Variants in SPOCK3 observed in about 807,000 individuals in gnomAD.
SPOCK3 encodes SPARC (osteonectin), cwcv and kazal like domains proteoglycan 3.
In SPOCK3, 30 loss-of-function variants were observed where a neutral mutation model predicts 56.6. The observed-to-expected ratio is 0.53, with a 90% CI of 0.40 to 0.72. SPOCK3 has a LOEUF of 0.72. Ranked by LOEUF, SPOCK3 falls within the 30% of genes least tolerant of loss-of-function variation. SPOCK3 has a pLI of 0.00. For synonymous variants in SPOCK3, 196 were observed against 183.3 expected (o/e 1.07, Z -0.56); for missense variants, 527 against 530.0 (o/e 0.99, Z 0.06).
chr4:167,085,282 G>GA (rs577928883), intron 2 of SPOCK3, among the ~76,000 whole-genome samples: 1,873 of 150,234 alleles, frequency 0.012, 21 homozygotes, highest in Non-Finnish European at 0.018. Flanking sequence ...TGAAAAGAGA[G>GA]AAAAAAAAAT....
At chr4:167,091,781 C>T (rs1053682265) in intron 2 of SPOCK3, among the ~76,000 whole-genome samples, 16 of 152,174 alleles carry the variant, frequency 1.1e-4, no homozygotes, top group African/African-American at 3.1e-4. Flanking sequence ...TCTCCCTCTA[C>T]TCACTTTCTA....
chr4:166,982,268 A>G (rs28412927), intron 4 of SPOCK3, among the ~76,000 whole-genome samples: 1,762 of 152,298 alleles, frequency 0.012, 36 homozygotes, highest in African/African-American at 0.04. Flanking sequence ...GATATACCAT[A>G]TCATCAATAC....
chr4:167,015,989 T>TA (rs1212549752), intron 3 of SPOCK3, among the ~76,000 whole-genome samples: 4 of 152,130 alleles, frequency 2.6e-5, no homozygotes, highest in Admixed American at 2.0e-4. Flanking sequence ...AATTTTTTGT[T>TA]AAAAAAAGTA....
At chr4:166,746,620 G>T (rs1735649532) in intron 8 of SPOCK3, among the ~76,000 whole-genome samples, 1 of 152,038 alleles carries the variant, frequency 6.6e-6, no homozygotes, top group Non-Finnish European at 1.5e-5. Context: ...CAGAAGGCAA[G>T]AAATAACTAA....
At chr4:167,005,889 C>A (rs1252553489) in intron 3 of SPOCK3, among the ~76,000 whole-genome samples, 2 of 152,052 alleles carry the variant, frequency 1.3e-5, no homozygotes, top group Non-Finnish European at 2.9e-5. Context: ...AAAAGGACTA[C>A]TATTTTTAAT....
rs1331003872 is a variant in SPOCK3, at chr4:167,234,382, G to A, written c.-1+68C>T. ...CACGCAGACCCAGAGGAGGAGAGGT[G>A]GGTATAAGGAAGCAAGCCCCAGCCG... On this transcript the variant is annotated intron_variant, in intron 1 of 10. Coordinates refer to ENST00000357545, the MANE Select transcript of SPOCK3 (RefSeq NM_001040159.2). 4 of 603,190 alleles carry A rather than the reference G, an allele frequency of 6.6e-6. No individual in the cohort carries two copies. In the African/African-American group the frequency reaches 7.4e-5, roughly 11 times the overall value. 37.4% of individuals were successfully genotyped at this position (603,190 alleles called of 1,614,324 possible).
At chr4:166,949,539 C>T (rs557343034) in intron 4 of SPOCK3, among the ~76,000 whole-genome samples, 43 of 152,176 alleles carry the variant, frequency 2.8e-4, no homozygotes, top group Non-Finnish European at 4.1e-4. Context: ...CCTTTCTGTT[C>T]GTTAGTTTTC....
intron 6 of SPOCK3, chr4:166,883,364 G>C (rs1733864508): frequency 6.6e-6 from 1 of 152,148 alleles, no homozygotes; most frequent in South Asian, 2.1e-4. Flanking sequence ...AGGCTTTGCA[G>C]TTTAATATGG....
At chr4:166,763,667 G>T (rs1737552577) in intron 7 of SPOCK3, among the ~76,000 whole-genome samples, 1 of 151,886 alleles carries the variant, frequency 6.6e-6, no homozygotes, top group African/African-American at 2.4e-5. Context: ...GGTAGGGAGG[G>T]TAGTGTACTC....
At chr4:167,141,766 G>A (rs1763552387) in intron 2 of SPOCK3, among the ~76,000 whole-genome samples, 1 of 152,012 alleles carries the variant, frequency 6.6e-6, no homozygotes, top group Non-Finnish European at 1.5e-5. Context: ...ACATTCCACT[G>A]AGATAACAGA....
chr4:167,065,333 T>G (rs1199373611), intron 2 of SPOCK3, among the ~76,000 whole-genome samples: 1 of 151,822 alleles, frequency 6.6e-6, no homozygotes, highest in East Asian at 1.9e-4. Context: ...CACATAGTGT[T>G]TGCAACACTG....
chr4:166,742,719 T>A (rs924613682), intron 8 of SPOCK3, among the ~76,000 whole-genome samples: 3 of 152,176 alleles, frequency 2.0e-5, no homozygotes, highest in African/African-American at 4.8e-5. Context: ...GCTGTTATTT[T>A]AAAAATAAGC....
intron 2 of SPOCK3, among the ~76,000 whole-genome samples, chr4:167,066,335 T>C (rs544502187): frequency 1.8e-4 from 27 of 151,796 alleles, no homozygotes; most frequent in South Asian, 1.4e-3. Context: ...CTGCTTCTAC[T>C]CATGAGATAC....
intron 8 of SPOCK3, among the ~76,000 whole-genome samples, chr4:166,744,837 C>T (rs941018863): frequency 8.6e-5 from 13 of 151,952 alleles, no homozygotes; most frequent in Admixed American, 3.9e-4. Flanking sequence ...CTACGTGATG[C>T]GTGCATAAGC....
chr4:166,800,758 T>C (rs1742498019), intron 6 of SPOCK3, among the ~76,000 whole-genome samples: 1 of 152,014 alleles, frequency 6.6e-6, no homozygotes. Context: ...GTAGCCAAGG[T>C]TAATTTTGAT....
At chr4:166,749,648 A>T (rs6813646) in intron 8 of SPOCK3, among the ~76,000 whole-genome samples, 129,867 of 151,738 alleles carry the variant, frequency 0.86, 55,887 homozygotes, top group African/African-American at 0.88. Flanking sequence ...AAAAATAAAA[A>T]AAAATAAAAA....
intron 2 of SPOCK3, among the ~76,000 whole-genome samples, chr4:167,135,351 C>T (rs1321474777): frequency 1.3e-5 from 2 of 152,058 alleles, no homozygotes; most frequent in Non-Finnish European, 2.9e-5. Flanking sequence ...AAACGTAGCA[C>T]ACATGGGAGG....
chr4:166,983,712 A>G (rs1438989840), intron 4 of SPOCK3, among the ~76,000 whole-genome samples: 1 of 152,060 alleles, frequency 6.6e-6, no homozygotes, highest in East Asian at 1.9e-4. Flanking sequence ...GTCTTAATTA[A>G]ATATAAAATA....
chr4:166,958,422 G>A (rs2150051971), intron 4 of SPOCK3, among the ~76,000 whole-genome samples: 1 of 152,196 alleles, frequency 6.6e-6, no homozygotes. Flanking sequence ...GTAGCAACGT[G>A]AGAACAAACT....
Sources: gnomAD v4.1 joint callset for allele counts (sites outside exome capture counted in the v4.1 genomes callset) on GRCh38, gnomAD v4.1.1 for gene constraint, MANE v1.5 for transcripts, NCBI Gene and HGNC (gene_info 2026-07-23, HGNC 2026-07-21) for gene names.